Variants in MBOAT1 observed in about 807,000 individuals in gnomAD.
The protein encoded by MBOAT1 is membrane-bound glycerophospholipid O-acyltransferase 1.
In MBOAT1, 67 loss-of-function variants were observed where a neutral mutation model predicts 64.4. The ratio of observed to expected loss-of-function variants is 1.04; its 90% CI spans 0.85 to 1.27. The LOEUF (loss-of-function observed/expected upper bound fraction) is 1.27. Among genes scored for constraint, MBOAT1 ranks in the 50% most tolerant of loss-of-function variants. MBOAT1 has a pLI of 0.00. For missense variants in MBOAT1, 563 were observed against 604.6 expected (o/e 0.93, Z 0.72); for synonymous variants, 229 against 218.9 (o/e 1.05, Z -0.41).
rs1276048764 is a variant in MBOAT1, at chr6:20,152,327, AAAAAAAAAAAAT to A, written c.245+285_245+296del. The stretch of plus-strand genomic sequence containing the variant: ...GGGCGACAGAGCGAGACTCCGTCTC[AAAAAAAAAAAAT>A]AAAAAATAAATAAATAAATAAATAA... On this transcript the variant is annotated intron_variant, in intron 2 of 12. Coordinates refer to ENST00000324607, the MANE Select transcript of MBOAT1 (RefSeq NM_001080480.3). Among the ~76,000 whole-genome samples the A allele has an allele frequency of 8.2e-3, 520 of 63,258 alleles. 2 individuals carry two copies. Among genetic ancestry groups the A allele is most frequent in the East Asian group, 0.029 (34 of 1,188 alleles). The allele number at this position is 63,258 out of a possible 152,430, so 41.5% of individuals were successfully genotyped here.
chr6:20,209,539 G>A (rs931194980), intron 1 of MBOAT1, among the ~76,000 whole-genome samples: 4 of 152,204 alleles, frequency 2.6e-5, no homozygotes, highest in African/African-American at 9.7e-5. Flanking sequence ...CTTGACACAG[G>A]ATCCAGAGGC....
chr6:20,102,355 C>A lies in MBOAT1; in HGVS notation c.1419G>T (p.Met473Ile). ...GCCTTTGCGTATGAGCTTGTGGTTT[C>A]ATTGGCAGAAATAGTATTATCAGGA... ...ISLLIILFLP[M>I]KPQAHTQRRP... Residue 473 changes from methionine (M) to isoleucine (I), a missense_variant, in exon 13 of 13, where the codon ATG becomes ATT. Coordinates refer to ENST00000324607, the MANE Select transcript of MBOAT1 (RefSeq NM_001080480.3). 1.2e-6 allele frequency: 2 copies of A among 1,613,572 alleles called. No individual in the cohort carries two copies. The highest frequency in any genetic ancestry group is 1.7e-6 in the Non-Finnish European group (2 of 1,179,554).
intron 1 of MBOAT1, among the ~76,000 whole-genome samples, chr6:20,186,592 G>A (rs1294430243): frequency 6.6e-6 from 1 of 152,224 alleles, no homozygotes. Flanking sequence ...CCCCAACAAG[G>A]CCAGCCTGAA....
chr6:20,141,918 G>A (rs1761189353), intron 4 of MBOAT1, among the ~76,000 whole-genome samples: 1 of 152,154 alleles, frequency 6.6e-6, no homozygotes, highest in Non-Finnish European at 1.5e-5. Flanking sequence ...TACCTCCACA[G>A]GCACCTGTCT....
At chr6:20,152,346 T>A (rs149564745) in intron 2 of MBOAT1, among the ~76,000 whole-genome samples, 16,367 of 55,598 alleles carry the variant, frequency 0.29, 958 homozygotes, top group East Asian at 0.47. Context: ...AAATAAAAAA[T>A]AAATAAATAA....
chr6:20,153,174 TCA>T, intron 1 of MBOAT1, among the ~76,000 whole-genome samples: 1 of 152,328 alleles, frequency 6.6e-6, no homozygotes, highest in East Asian at 1.9e-4. Context: ...AAGAGGCTTC[TCA>T]GACTTGGATT....
intron 1 of MBOAT1, among the ~76,000 whole-genome samples, chr6:20,202,736 C>G (rs77772065): frequency 0.014 from 2,077 of 152,048 alleles, 24 homozygotes; most frequent in South Asian, 0.019. Flanking sequence ...TTAACCAGTA[C>G]AAACTATTTG....
At chr6:20,124,723 G>A (rs749106680) in intron 7 of MBOAT1, 123 bp from the exon 8 acceptor site, 16 of 806,564 alleles carry the variant, frequency 2.0e-5, no homozygotes, top group Non-Finnish European at 3.2e-5. Context: ...TCCCCAGAAG[G>A]AGTGACAACA....
chr6:20,151,831 G>C (rs1282978782), intron 2 of MBOAT1, among the ~76,000 whole-genome samples: 1 of 152,170 alleles, frequency 6.6e-6, no homozygotes, highest in Non-Finnish European at 1.5e-5. Flanking sequence ...GTTAAAGAAT[G>C]ATTCACATTT....
At chr6:20,204,521 A>G (rs977904371) in intron 1 of MBOAT1, among the ~76,000 whole-genome samples, 2 of 148,800 alleles carry the variant, frequency 1.3e-5, no homozygotes, top group African/African-American at 4.9e-5. Flanking sequence ...ATAGGACGCT[A>G]TGGAGAAACA....
At chr6:20,196,722 A>G (rs965447911) in intron 1 of MBOAT1, among the ~76,000 whole-genome samples, 1 of 152,050 alleles carries the variant, frequency 6.6e-6, no homozygotes, top group Non-Finnish European at 1.5e-5. Context: ...TTAGCTGGGC[A>G]TGATGGTGCA....
intron 1 of MBOAT1, among the ~76,000 whole-genome samples, chr6:20,156,833 T>C (rs183596421): frequency 6.6e-6 from 1 of 152,302 alleles, no homozygotes; most frequent in African/African-American, 2.4e-5. Flanking sequence ...AAGGAGATTT[T>C]GGGCTGAGCA....
chr6:20,125,671 C>T (rs935961696), intron 7 of MBOAT1, among the ~76,000 whole-genome samples: 4 of 152,172 alleles, frequency 2.6e-5, no homozygotes, highest in African/African-American at 7.2e-5. Flanking sequence ...ACTCCTAGAT[C>T]GTTTTGGTAA....
intron 9 of MBOAT1, among the ~76,000 whole-genome samples, chr6:20,117,849 A>T (rs1760373923): frequency 6.6e-6 from 1 of 152,212 alleles, no homozygotes; most frequent in African/African-American, 2.4e-5. Context: ...AGAGCTAGCA[A>T]TGCAAAGAAA....
At chr6:20,209,789 C>G (rs972772371) in intron 1 of MBOAT1, among the ~76,000 whole-genome samples, 9 of 152,220 alleles carry the variant, frequency 5.9e-5, no homozygotes, top group African/African-American at 2.2e-4. Flanking sequence ...CCACCTTTAT[C>G]CTCCCTATCC....
At chr6:20,107,076 G>C (rs1759980221) in intron 12 of MBOAT1, among the ~76,000 whole-genome samples, 1 of 152,130 alleles carries the variant, frequency 6.6e-6, no homozygotes, top group South Asian at 2.1e-4. Flanking sequence ...GAACTTTTTA[G>C]TAACTCCACT....
intron 10 of MBOAT1, among the ~76,000 whole-genome samples, chr6:20,115,044 G>A (rs1760279991): frequency 6.6e-6 from 1 of 152,164 alleles, no homozygotes; most frequent in African/African-American, 2.4e-5. Flanking sequence ...GAGATTGATG[G>A]AGGATTAAAC....
chr6:20,168,903 G>GGCGCGGT (rs1762114095), intron 1 of MBOAT1, among the ~76,000 whole-genome samples: 1 of 151,252 alleles, frequency 6.6e-6, no homozygotes, highest in African/African-American at 2.4e-5. Context: ...AATATCATCG[G>GGCGCGGT]GGTTTTCCCA....
At chr6:20,172,292 G>C (rs1213425716) in intron 1 of MBOAT1, among the ~76,000 whole-genome samples, 2 of 152,090 alleles carry the variant, frequency 1.3e-5, no homozygotes, top group African/African-American at 4.8e-5. Flanking sequence ...AATTAGCTGG[G>C]CATGGTGGTG....
Sources: gnomAD v4.1 joint callset for allele counts (sites outside exome capture counted in the v4.1 genomes callset) on GRCh38, gnomAD v4.1.1 for gene constraint, MANE v1.5 for transcripts, NCBI Gene and HGNC (gene_info 2026-07-23, HGNC 2026-07-21) for gene names.